The following TIAM1 variants were observed in gnomAD, a reference collection of about 807,000 sequenced individuals.
The protein encoded by TIAM1 is rho guanine nucleotide exchange factor TIAM1.
A neutral mutation model predicts 163.5 loss-of-function variants in TIAM1; 65 were observed. That is an observed-to-expected ratio of 0.40 (90% CI 0.33 to 0.49). TIAM1 has a LOEUF of 0.49. Among genes scored for constraint, TIAM1 ranks in the 20% least tolerant of loss-of-function variants. The pLI is 0.77. For missense variants in TIAM1, 1,789 were observed against 2,044.7 expected (o/e 0.87, Z 2.41); for synonymous variants, 833 against 810.1 (o/e 1.03, Z -0.48).
intron 11 of TIAM1, among the ~76,000 whole-genome samples, chr21:31,209,164 G>A (rs945909554): frequency 1.6e-4 from 25 of 152,258 alleles, no homozygotes; most frequent in African/African-American, 6.0e-4. Context: ...TGTGAGTTCA[G>A]GCAAGCAGCT....
At chr21:31,122,157 A>G (rs1328963579) in intron 27 of TIAM1, among the ~76,000 whole-genome samples, 19 of 152,254 alleles carry the variant, frequency 1.2e-4, no homozygotes, top group Non-Finnish European at 5.9e-5. Flanking sequence ...CGTGTCCATC[A>G]CTATTCCTGA....
In TIAM1 at chr21:31,181,770, T is replaced by C. The variant is rs1266695805; in HGVS notation, c.2887+651A>G. On this transcript the variant is annotated intron_variant, in intron 15 of 27. Transcript: ENST00000541036. Reference sequence around the variant, plus strand: ...TTCTTCTTCTTCTTTTTTTTTTTTTTTTTTTTTTTTTTTTTTTTTTTTTTT... The same window carrying C: ...TTCTTCTTCTTCTTTTTTTTTTTTTCTTTTTTTTTTTTTTTTTTTTTTTTT... Among the ~76,000 whole-genome samples the C allele has an allele frequency of 1.7e-3, 91 of 52,052 alleles. 3 individuals are homozygous for C. The highest frequency in any genetic ancestry group is 2.7e-3 in the African/African-American group (22 of 8,274). The allele number at this position is 52,052 out of a possible 152,430, so 34.1% of individuals were successfully genotyped here.
At position 31,455,414 on chromosome 21, in the gene TIAM1, TA is replaced by T. The variant is rs1415186174; in HGVS notation, c.-369+8568del. 1.6e-3 allele frequency among the ~76,000 whole-genome samples: 219 copies of T among 135,138 alleles called. 2 individuals carry two copies. The highest frequency in any genetic ancestry group is 5.5e-3 in the African/African-American group (205 of 37,082). 88.7% of individuals were successfully genotyped at this position (135,138 alleles called of 152,430 possible). On this transcript the variant is annotated intron_variant, in intron 2 of 28. Transcript: ENST00000286827. ...TATGAGTATCAAAATAATTTAATTT[TA>T]ATTTTTTTTTTTTTGAGACGGAGTC... is the stretch of plus-strand genomic sequence containing the variant.
intron 4 of TIAM1, among the ~76,000 whole-genome samples, chr21:31,258,671 A>G (rs2072264117): frequency 6.6e-6 from 1 of 152,084 alleles, no homozygotes; most frequent in Admixed American, 6.5e-5. Flanking sequence ...CTCTACTAAA[A>G]ATACAAATAT....
At chr21:31,529,264 G>A (rs904381290) in intron 1 of TIAM1, among the ~76,000 whole-genome samples, 3 of 151,900 alleles carry the variant, frequency 2.0e-5, no homozygotes, top group Admixed American at 6.6e-5. Context: ...GTCCAATGGG[G>A]AAAGGTGGAA....
chr21:31,383,614 C>G (rs562748278), intron 2 of TIAM1, among the ~76,000 whole-genome samples: 1 of 152,198 alleles, frequency 6.6e-6, no homozygotes, highest in Non-Finnish European at 1.5e-5. Flanking sequence ...GTCATTTCCA[C>G]GGACAATTCC....
At position 31,276,147 on chromosome 21, in the gene TIAM1, G is replaced by A. The variant is rs533609632; in HGVS notation, c.-12+585C>T. ...GGAGGCTGAGCTTGAAGACGGTGTT[G>A]GGGGGTGGGGGTGAGGGAGAGCTAA... On this transcript the variant is annotated intron_variant, in intron 3 of 27. Transcript: ENST00000541036. Among the ~76,000 whole-genome samples, 22 of 152,174 alleles carry A rather than the reference G, an allele frequency of 1.4e-4. No homozygotes were observed. In the East Asian group the frequency reaches 4.3e-3, roughly 29 times the overall value.
intron 1 of TIAM1, among the ~76,000 whole-genome samples, chr21:31,464,644 A>T (rs1376131012): frequency 1.3e-5 from 2 of 151,172 alleles, no homozygotes; most frequent in East Asian, 3.9e-4. Flanking sequence ...GAAGTTCAAG[A>T]CCAGCCTGGC....
At chr21:31,215,420 G>C (rs2087125938) in intron 9 of TIAM1, among the ~76,000 whole-genome samples, 1 of 151,988 alleles carries the variant, frequency 6.6e-6, no homozygotes, top group Non-Finnish European at 1.5e-5. Context: ...AGTTAGCTGG[G>C]TGTGGTGGCA....
chr21:31,509,950 A>C (rs78515425), intron 1 of TIAM1, among the ~76,000 whole-genome samples: 6,911 of 152,280 alleles, frequency 0.045, 539 homozygotes, highest in African/African-American at 0.16. Flanking sequence ...CAGAAAAGAC[A>C]TGAAAATCAC....
chr21:31,251,516 T>C (rs1397618002), intron 5 of TIAM1, among the ~76,000 whole-genome samples: 1 of 152,228 alleles, frequency 6.6e-6, no homozygotes, highest in Non-Finnish European at 1.5e-5. Flanking sequence ...AAATCTGCCT[T>C]ACAACATTGC....
Position 31,493,705 on chromosome 21 carries a change from C to T in TIAM1, c.-421-29670G>A, listed in dbSNP as rs1029353651. Among the ~76,000 whole-genome samples the T allele has an allele frequency of 5.9e-5, 9 of 152,214 alleles. 1 individual carries two copies. The highest frequency in any genetic ancestry group is 3.9e-4 in the East Asian group (2 of 5,172). On this transcript the variant is annotated intron_variant, in intron 1 of 28. Transcript: ENST00000286827. ...ATAGCCTGGCTTGGCAGTGACACGT[C>T]GGAGCTGTGCTTTAGAAATAAATGG... is the stretch of plus-strand genomic sequence containing the variant.
intron 1 of TIAM1, among the ~76,000 whole-genome samples, chr21:31,521,592 C>G (rs2047588387): frequency 6.6e-6 from 1 of 151,970 alleles, no homozygotes; most frequent in Non-Finnish European, 1.5e-5. Context: ...AAAAACTTAG[C>G]CAGTAGTGGT....
chr21:31,251,163 T>G lies in TIAM1; in HGVS notation c.1411+579A>C, dbSNP rs530339532. ...CTGGATGAGTCCAAAAAGATTTGGT[T>G]TTTTTGGAACTCATCCTTTGAAACT... On this transcript the variant is annotated intron_variant, in intron 5 of 27. Transcript: ENST00000541036. 1.3e-4 allele frequency among the ~76,000 whole-genome samples: 20 copies of G among 152,292 alleles called. No homozygotes were observed. In the Middle Eastern group the frequency reaches 0.01, roughly 78 times the overall value.
intron 1 of TIAM1, among the ~76,000 whole-genome samples, chr21:31,493,844 G>A (rs774444968): frequency 1.3e-5 from 2 of 152,114 alleles, no homozygotes; most frequent in Non-Finnish European, 2.9e-5. Context: ...CAGCACAGTG[G>A]GTAGAGCGTA....
intron 1 of TIAM1, among the ~76,000 whole-genome samples, chr21:31,473,773 C>T (rs892322405): frequency 5.3e-5 from 8 of 152,258 alleles, no homozygotes; most frequent in African/African-American, 1.7e-4. Context: ...CTGTCCGTAA[C>T]AAAGTCTGAA....
At chr21:31,469,644 C>T (rs1489074244) in intron 1 of TIAM1, among the ~76,000 whole-genome samples, 6 of 152,028 alleles carry the variant, frequency 3.9e-5, no homozygotes, top group East Asian at 2.0e-4. Flanking sequence ...CTGGCTAACA[C>T]GGTGAAACCC....
At chr21:31,290,073 T>C (rs1161664658) in intron 2 of TIAM1, among the ~76,000 whole-genome samples, 1 of 152,270 alleles carries the variant, frequency 6.6e-6, no homozygotes, top group Non-Finnish European at 1.5e-5. Flanking sequence ...ATTTATTTAA[T>C]GTATATATAC....
rs701726 is a variant in TIAM1, at chr21:31,344,139, G to A, written c.-370C>T. On this transcript the variant is annotated splice_region_variant and 5_prime_UTR_variant, in exon 1 of 28. Coordinates refer to ENST00000541036, the MANE Select transcript of TIAM1 (RefSeq NM_001353694.2). ...ATCGATTTCAAAATTCAAGCTCACC[G>A]CTGCTCAACAAGGCGCGCACGTTTC... 2 of 152,112 alleles carry A rather than the reference G, an allele frequency of 1.3e-5. No homozygotes were observed. The highest frequency in any genetic ancestry group is 2.9e-5 in the Non-Finnish European group (2 of 68,062). The allele number at this position is 152,112 out of a possible 1,614,324, so 9.4% of individuals were successfully genotyped here.
Sources: gnomAD v4.1 joint callset for allele counts (sites outside exome capture counted in the v4.1 genomes callset) on GRCh38, gnomAD v4.1.1 for gene constraint, MANE v1.5 for transcripts, NCBI Gene and HGNC (gene_info 2026-07-23, HGNC 2026-07-21) for gene names.